CCM2: variants seen among roughly 807,000 people sequenced by gnomAD.
The protein encoded by CCM2 is CCM2 scaffold protein.
Under a neutral mutation model 44.9 loss-of-function variants are expected in CCM2, and 25 were observed. The ratio of observed to expected loss-of-function variants is 0.56; its 90% CI spans 0.41 to 0.78. CCM2 has a LOEUF of 0.78. Ranked by LOEUF, CCM2 falls within the 30% of genes least tolerant of loss-of-function variation. The pLI is 0.00. For synonymous variants in CCM2, 219 were observed against 241.1 expected, an observed-to-expected ratio of 0.91 and a Z score of 0.85; for missense variants, 481 against 580.6, an observed-to-expected ratio of 0.83 and a Z score of 1.76.
At chr7:45,029,801 A>C (rs1046349302) in intron 1 of CCM2, among the ~76,000 whole-genome samples, 6 of 152,364 alleles carry the variant, frequency 3.9e-5, no homozygotes, top group African/African-American at 1.4e-4. Flanking sequence ...TGAGGAGGGC[A>C]TTCTCACTAG....
At chr7:45,037,571 C>A (rs994280084) in intron 1 of CCM2, among the ~76,000 whole-genome samples, 4 of 152,048 alleles carry the variant, frequency 2.6e-5, no homozygotes, top group Admixed American at 2.0e-4. Flanking sequence ...ACATGTGCCA[C>A]CACACCTGGC....
intron 1 of CCM2, among the ~76,000 whole-genome samples, chr7:45,012,136 T>C (rs1464848928): frequency 6.7e-6 from 1 of 149,318 alleles, no homozygotes; most frequent in Non-Finnish European, 1.5e-5. Flanking sequence ...ATATCTTTTT[T>C]TTTTTTTTTT....
chr7:45,015,200 C>T (rs1225893863), intron 1 of CCM2, among the ~76,000 whole-genome samples: 1 of 152,144 alleles, frequency 6.6e-6, no homozygotes, highest in East Asian at 1.9e-4. Flanking sequence ...ACACTGATAC[C>T]TCTAATTCCA....
At chr7:45,018,258 C>A (rs1341637411) in intron 1 of CCM2, among the ~76,000 whole-genome samples, 1 of 152,200 alleles carries the variant, frequency 6.6e-6, no homozygotes, top group Admixed American at 6.5e-5. Context: ...CCTAACAGGC[C>A]ACGGACCCAG....
intron 2 of CCM2, among the ~76,000 whole-genome samples, chr7:45,051,794 C>T (rs1798023104): frequency 6.6e-6 from 1 of 152,132 alleles, no homozygotes; most frequent in African/African-American, 2.4e-5. Flanking sequence ...ATCTCCTGAC[C>T]TCGTGATCCG....
rs146579519 is a variant in CCM2, at chr7:45,038,348, G to A, written c.126G>A (p.Leu42=). 1.6e-4 allele frequency: 255 copies of A among 1,614,030 alleles called. No individual in the cohort carries two copies. The highest frequency in any genetic ancestry group is 2.1e-4 in the Non-Finnish European group (242 of 1,180,020). The change falls in exon 2 of 10, where the codon CTG becomes CTA. Residue 42 remains leucine, a synonymous_variant. Transcript: ENST00000258781. The part of the protein sequence containing the change: ...AHEKVTERRP[L]HTVVLSLPER... The stretch of plus-strand genomic sequence containing the variant: ...AGAAGGTGACAGAGAGGCGCCCTCT[G>A]CACACTGTGGTGTTGTCATTGCCTG...
intron 1 of CCM2, among the ~76,000 whole-genome samples, chr7:45,037,050 G>A (rs951447162): frequency 3.3e-5 from 5 of 152,008 alleles, no homozygotes; most frequent in African/African-American, 1.2e-4. Context: ...TCCTTGCTGC[G>A]GCTGCACATC....
intron 2 of CCM2, among the ~76,000 whole-genome samples, chr7:45,043,274 T>G (rs1240652986): frequency 1.3e-5 from 2 of 152,156 alleles, no homozygotes; most frequent in African/African-American, 4.8e-5. Context: ...TGGAATATTT[T>G]CTGACTCATT....
chr7:45,068,719 G>T, intron 5 of CCM2, 140 bp downstream of exon 5: 2 of 1,102,922 alleles, frequency 1.8e-6, no homozygotes, highest in South Asian at 2.6e-5. Flanking sequence ...GCCTGTCCCT[G>T]CCTCACCCTA....
At chr7:45,025,975 G>C (rs986133602) in intron 1 of CCM2, among the ~76,000 whole-genome samples, 2 of 152,172 alleles carry the variant, frequency 1.3e-5, no homozygotes, top group Admixed American at 6.5e-5. Flanking sequence ...CATGCTGACC[G>C]TGGGGATCAC....
At chr7:45,001,704 T>G (rs913458977) in intron 1 of CCM2, among the ~76,000 whole-genome samples, 18 of 152,092 alleles carry the variant, frequency 1.2e-4, no homozygotes, top group Non-Finnish European at 1.6e-4. Flanking sequence ...TTGAGTGATT[T>G]TTTTTTCTAG....
chr7:45,069,075 T>A (rs1315062851), intron 5 of CCM2, among the ~76,000 whole-genome samples: 1 of 152,258 alleles, frequency 6.6e-6, no homozygotes, highest in Non-Finnish European at 1.5e-5. Flanking sequence ...TGGGCCCTTG[T>A]AGGCTAGGAT....
intron 2 of CCM2, among the ~76,000 whole-genome samples, chr7:45,040,248 G>C (rs1274748847): frequency 1.3e-5 from 2 of 152,142 alleles, no homozygotes; most frequent in South Asian, 4.1e-4. Context: ...GCCGGGCGCG[G>C]TGGCGGGCAC....
intron 1 of CCM2, among the ~76,000 whole-genome samples, chr7:45,034,498 C>T (rs1219799608): frequency 1.4e-5 from 2 of 147,916 alleles, no homozygotes; most frequent in Non-Finnish European, 3.0e-5. Flanking sequence ...TAAGCATGTG[C>T]CACCATGCCT....
At chr7:45,021,653 G>A (rs1796486616) in intron 1 of CCM2, among the ~76,000 whole-genome samples, 1 of 152,154 alleles carries the variant, frequency 6.6e-6, no homozygotes, top group African/African-American at 2.4e-5. Flanking sequence ...GCCTTTGGAA[G>A]TGCAGTTTGC....
Position 45,018,952 on chromosome 7 carries a change from G to A in CCM2, c.30+18589G>A, listed in dbSNP as rs549245723. On this transcript the variant is annotated intron_variant, in intron 1 of 9. Transcript: ENST00000258781. ...TTTTTGTATTTTTAATAGAAATGTG[G>A]TTTTGCCATGTTGACCAGGCTGGTC... is the stretch of plus-strand genomic sequence containing the variant. 6.6e-5 allele frequency among the ~76,000 whole-genome samples: 10 copies of A among 150,880 alleles called. No individual in the cohort carries two copies. In the South Asian group the frequency reaches 2.1e-3, roughly 32 times the overall value.
At chr7:45,016,195 G>GT (rs1796256617) in intron 1 of CCM2, among the ~76,000 whole-genome samples, 1 of 152,230 alleles carries the variant, frequency 6.6e-6, no homozygotes, top group South Asian at 2.1e-4. Flanking sequence ...AGGAGGAGGG[G>GT]TTGGAACAGG....
At chr7:45,033,660 C>G (rs1034481190) in intron 1 of CCM2, among the ~76,000 whole-genome samples, 1 of 152,190 alleles carries the variant, frequency 6.6e-6, no homozygotes, top group African/African-American at 2.4e-5. Context: ...TTATCCATGT[C>G]TGTGGAGATG....
chr7:45,069,006 C>T (rs936814010), intron 5 of CCM2, among the ~76,000 whole-genome samples: 3 of 152,242 alleles, frequency 2.0e-5, no homozygotes, highest in Admixed American at 6.5e-5. Flanking sequence ...GCATCCTAGA[C>T]CTGCCTGGTG....
Sources: allele counts gnomAD v4.1 joint callset (sites outside exome capture counted in the v4.1 genomes callset), GRCh38; gene constraint gnomAD v4.1.1; transcripts MANE v1.5; gene names NCBI Gene and HGNC (gene_info 2026-07-23, HGNC 2026-07-21).